Variants in CNBD1 observed in about 807,000 individuals in gnomAD.
CNBD1 encodes cyclic nucleotide-binding domain-containing protein 1.
In CNBD1, 71 loss-of-function variants were observed where a neutral mutation model predicts 54.4. The ratio of observed to expected loss-of-function variants is 1.30; its 90% CI spans 1.08 to 1.59. The LOEUF (loss-of-function observed/expected upper bound fraction) is 1.59, where lower values mean the gene tolerates loss of function less well. Ranked by LOEUF, CNBD1 falls within the 40% of genes most tolerant of loss-of-function variation. CNBD1 has a pLI of 0.00. For missense variants in CNBD1, 659 were observed against 518.0 expected (o/e 1.27, Z -2.64); for synonymous variants, 182 against 170.7 (o/e 1.07, Z -0.51).
chr8:87,319,593 C>G (rs1038248585), intron 8 of CNBD1, among the ~76,000 whole-genome samples: 11 of 151,974 alleles, frequency 7.2e-5, no homozygotes, highest in Non-Finnish European at 1.5e-4. Flanking sequence ...GATAAAAGAA[C>G]AAAACTATTA....
At chr8:87,051,236 G>A (rs1810304568) in intron 4 of CNBD1, among the ~76,000 whole-genome samples, 1 of 152,104 alleles carries the variant, frequency 6.6e-6, no homozygotes, top group South Asian at 2.1e-4. Flanking sequence ...AGGGGAGGAG[G>A]GAATGCCTGG....
intron 6 of CNBD1, among the ~76,000 whole-genome samples, chr8:87,267,231 C>T (rs923848196): frequency 6.6e-5 from 10 of 151,968 alleles, no homozygotes; most frequent in African/African-American, 2.2e-4. Context: ...AATAAATTGG[C>T]AAGTACAAGT....
intron 8 of CNBD1, among the ~76,000 whole-genome samples, chr8:87,307,531 A>C (rs1248376828): frequency 1.3e-5 from 2 of 152,116 alleles, no homozygotes; most frequent in East Asian, 3.9e-4. Flanking sequence ...TGAGGCTGGG[A>C]CTTCAAGACC....
chr8:87,407,077 A>G (rs1807664650), intron 2 of CNBD1, among the ~76,000 whole-genome samples: 3 of 152,070 alleles, frequency 2.0e-5, no homozygotes, highest in Non-Finnish European at 4.4e-5. Context: ...GTAAATTTTT[A>G]TAAAATGAAC....
chr8:87,077,458 T>A (rs531211242), intron 4 of CNBD1, among the ~76,000 whole-genome samples: 1 of 148,680 alleles, frequency 6.7e-6, no homozygotes, highest in East Asian at 2.0e-4. Flanking sequence ...ATGTGCACAA[T>A]GTGCAGGTTT....
chr8:87,006,295 GATA>G (rs1809096165), intron 4 of CNBD1, among the ~76,000 whole-genome samples: 1 of 152,094 alleles, frequency 6.6e-6, no homozygotes, highest in Admixed American at 6.5e-5. Context: ...TATGGAAGGT[GATA>G]ATATTTCCAA....
chr8:87,279,098 G>C (rs1158525681), intron 6 of CNBD1, among the ~76,000 whole-genome samples: 2 of 150,760 alleles, frequency 1.3e-5, no homozygotes, highest in Non-Finnish European at 3.0e-5. Context: ...CTTTATCATA[G>C]ATACATATGT....
At chr8:87,189,906 A>G (rs560885987) in intron 4 of CNBD1, among the ~76,000 whole-genome samples, 342 of 152,324 alleles carry the variant, frequency 2.2e-3, no homozygotes, top group African/African-American at 7.9e-3. Context: ...CTTCAAGTAC[A>G]CACTGTATTC....
chr8:87,346,018 T>A lies in CNBD1; in HGVS notation c.1043-5667T>A, dbSNP rs547453982. Among the ~76,000 whole-genome samples, 20 of 152,184 alleles carry A rather than the reference T, an allele frequency of 1.3e-4. 1 individual carries two copies. The South Asian group carries it at 3.3e-3, about 25-fold the overall frequency. On this transcript the variant is annotated intron_variant, in intron 8 of 10. Transcript: ENST00000518476. ...GCCCTGATTATAATATAAAAAGTCATGTTTTGTTTAATTTTCTTTTTTTTT... is the reference window on the plus strand; with the variant it reads ...GCCCTGATTATAATATAAAAAGTCAAGTTTTGTTTAATTTTCTTTTTTTTT...
At chr8:87,289,064 T>C (rs1017703222) in intron 8 of CNBD1, among the ~76,000 whole-genome samples, 1 of 152,098 alleles carries the variant, frequency 6.6e-6, no homozygotes, top group Non-Finnish European at 1.5e-5. Context: ...TATCAGAGAA[T>C]GTAGAGAATG....
chr8:87,035,968 A>G (rs763348028), intron 4 of CNBD1, among the ~76,000 whole-genome samples: 4 of 152,208 alleles, frequency 2.6e-5, no homozygotes, highest in Non-Finnish European at 5.9e-5. Flanking sequence ...TGGGAAACTA[A>G]TACCTGACAT....
At chr8:87,242,276 G>T (rs915459867) in intron 6 of CNBD1, among the ~76,000 whole-genome samples, 2 of 151,994 alleles carry the variant, frequency 1.3e-5, no homozygotes, top group Non-Finnish European at 2.9e-5. Flanking sequence ...ATAGAAAATC[G>T]CCTTCCCTTT....
intron 2 of CNBD1, among the ~76,000 whole-genome samples, chr8:86,903,593 G>A (rs907277855): frequency 2.0e-5 from 3 of 152,014 alleles, no homozygotes; most frequent in African/African-American, 7.2e-5. Context: ...TTAAAATAAT[G>A]GGTTTTGGAG....
At chr8:87,305,377 A>T (rs1393007787) in intron 8 of CNBD1, among the ~76,000 whole-genome samples, 1 of 152,158 alleles carries the variant, frequency 6.6e-6, no homozygotes, top group African/African-American at 2.4e-5. Flanking sequence ...AAATACCACC[A>T]TCATTCTTCA....
intron 6 of CNBD1, among the ~76,000 whole-genome samples, chr8:87,259,264 T>C (rs1161556432): frequency 6.6e-6 from 1 of 152,222 alleles, no homozygotes; most frequent in African/African-American, 2.4e-5. Context: ...ATGAATTATA[T>C]GAATTATCTT....
At chr8:87,212,700 A>T (rs1814126009) in intron 5 of CNBD1, among the ~76,000 whole-genome samples, 2 of 152,306 alleles carry the variant, frequency 1.3e-5, no homozygotes, top group East Asian at 1.9e-4. Context: ...TACACAAAAA[A>T]TTACCAAACA....
At chr8:87,403,752 A>G (rs1807605869) in intron 2 of CNBD1, among the ~76,000 whole-genome samples, 2 of 151,996 alleles carry the variant, frequency 1.3e-5, no homozygotes, top group Admixed American at 6.6e-5. Flanking sequence ...TAAGTAAATC[A>G]GTAAACAACT....
chr8:87,104,867 T>C (rs370521027), intron 4 of CNBD1, among the ~76,000 whole-genome samples: 83 of 152,358 alleles, frequency 5.4e-4, no homozygotes, highest in African/African-American at 1.9e-3. Flanking sequence ...CATTATGAAT[T>C]GTATGCCTTA....
intron 8 of CNBD1, among the ~76,000 whole-genome samples, chr8:87,342,572 G>A (rs117886578): frequency 0.014 from 2,158 of 152,158 alleles, 19 homozygotes; most frequent in Middle Eastern, 0.051. Flanking sequence ...GTTTCTTTCT[G>A]TTTTCCCTAA....
Sources: gnomAD v4.1 joint callset for allele counts (sites outside exome capture counted in the v4.1 genomes callset) on GRCh38, gnomAD v4.1.1 for gene constraint, MANE v1.5 for transcripts, NCBI Gene and HGNC (gene_info 2026-07-23, HGNC 2026-07-21) for gene names.